The following PDE4D variants were observed in gnomAD, a reference collection of about 807,000 sequenced individuals.
PDE4D encodes 3',5'-cyclic-AMP phosphodiesterase 4D.
A neutral mutation model predicts 87.4 loss-of-function variants in PDE4D; 24 were observed. The ratio of observed to expected loss-of-function variants is 0.27; its 90% confidence interval spans 0.20 to 0.39. The LOEUF (loss-of-function observed/expected upper bound fraction) is 0.39, where lower values mean the gene tolerates loss of function less well. Among genes scored for constraint, PDE4D ranks in the 10% least tolerant of loss-of-function variants. PDE4D has a pLI of 1.00. For synonymous variants in PDE4D, 384 were observed against 383.2 expected (o/e 1.00, Z -0.02); for missense variants, 714 against 1,041.0 (o/e 0.69, Z 4.32).
intron 1 of PDE4D, among the ~76,000 whole-genome samples, chr5:59,817,744 C>CCG (rs1405850989): frequency 6.7e-6 from 1 of 149,504 alleles, no homozygotes; most frequent in Non-Finnish European, 1.5e-5. Context: ...ACACCCACAC[C>CCG]CCCCCCCACA....
At chr5:60,315,291 G>T (rs1410446565) in intron 1 of PDE4D, among the ~76,000 whole-genome samples, 16 of 152,324 alleles carry the variant, frequency 1.1e-4, no homozygotes, top group Middle Eastern at 6.8e-3. Flanking sequence ...CTTCTTTTGA[G>T]AAATGTCTGT....
chr5:60,046,432 C>T (rs1443871165), intron 2 of PDE4D, among the ~76,000 whole-genome samples: 1 of 152,170 alleles, frequency 6.6e-6, no homozygotes, highest in Admixed American at 6.5e-5. Context: ...AGAAGGCATC[C>T]CTGTCTTGTG....
At chr5:59,661,485 A>G (rs1357999288) in intron 1 of PDE4D, among the ~76,000 whole-genome samples, 1 of 152,206 alleles carries the variant, frequency 6.6e-6, no homozygotes, top group African/African-American at 2.4e-5. Context: ...AAAGTGACAT[A>G]TGACTCTAGA....
intron 1 of PDE4D, among the ~76,000 whole-genome samples, chr5:59,394,343 A>T (rs964826497): frequency 2.0e-4 from 31 of 152,118 alleles, no homozygotes; most frequent in African/African-American, 7.5e-4. Flanking sequence ...GCAAAATGCA[A>T]CCCTCTCAAT....
chr5:60,246,376 C>T (rs1747781151), intron 1 of PDE4D, among the ~76,000 whole-genome samples: 1 of 151,590 alleles, frequency 6.6e-6, no homozygotes, highest in African/African-American at 2.4e-5. Context: ...CAGATACTGC[C>T]TCTTCCCAAA....
At chr5:59,455,472 A>G (rs1799774492) in intron 1 of PDE4D, among the ~76,000 whole-genome samples, 1 of 152,346 alleles carries the variant, frequency 6.6e-6, no homozygotes, top group East Asian at 1.9e-4. Context: ...CCTAGATTTC[A>G]TAGGATGTAT....
At chr5:59,205,653 A>AAC (rs35509503) in intron 2 of PDE4D, among the ~76,000 whole-genome samples, 9,011 of 136,244 alleles carry the variant, frequency 0.066, 373 homozygotes, top group South Asian at 0.11. Context: ...CCACTAGCTA[A>AAC]ACACACACAC....
At chr5:59,045,297 T>C (rs932424260) in intron 5 of PDE4D, among the ~76,000 whole-genome samples, 2 of 152,196 alleles carry the variant, frequency 1.3e-5, no homozygotes, top group Non-Finnish European at 2.9e-5. Flanking sequence ...CTCACGCCTG[T>C]AATCCCAGCA....
chr5:59,888,522 T>C (rs2152751448), intron 1 of PDE4D, among the ~76,000 whole-genome samples: 1 of 152,364 alleles, frequency 6.6e-6, no homozygotes, highest in South Asian at 2.1e-4. Flanking sequence ...GTGTTGACAA[T>C]ATGTAGGAAA....
chr5:59,708,921 A>G (rs1210944351), intron 1 of PDE4D, among the ~76,000 whole-genome samples: 3 of 136,030 alleles, frequency 2.2e-5, no homozygotes, highest in Non-Finnish European at 4.6e-5. Flanking sequence ...TTTTTTTTTT[A>G]ATCGAGGATA....
chr5:59,474,226 T>C (rs1802919314), intron 1 of PDE4D, among the ~76,000 whole-genome samples: 1 of 152,166 alleles, frequency 6.6e-6, no homozygotes, highest in Admixed American at 6.6e-5. Context: ...TTAAGTTCAT[T>C]ATATGCCACT....
chr5:59,570,672 A>C (rs564131873), intron 1 of PDE4D, among the ~76,000 whole-genome samples: 1 of 152,234 alleles, frequency 6.6e-6, no homozygotes, highest in African/African-American at 2.4e-5. Context: ...GCAAAACTCC[A>C]AGAAAATCAA....
chr5:59,768,274 T>C (rs746770452), intron 1 of PDE4D: 11 of 1,597,376 alleles, frequency 6.9e-6, no homozygotes, highest in Non-Finnish European at 9.3e-6. Context: ...GAAACGCCGC[T>C]GTTTGGGGAT....
intron 1 of PDE4D, among the ~76,000 whole-genome samples, chr5:59,337,887 G>A (rs1234467617): frequency 6.6e-6 from 1 of 152,188 alleles, no homozygotes; most frequent in African/African-American, 2.4e-5. Context: ...TGTCATGGGA[G>A]CCTCTCCATC....
intron 1 of PDE4D, among the ~76,000 whole-genome samples, chr5:60,232,175 C>A (rs1161098194): frequency 6.6e-6 from 1 of 151,886 alleles, no homozygotes; most frequent in Non-Finnish European, 1.5e-5. Context: ...TCAATTAAAG[C>A]AGTTCTAAGC....
chr5:59,977,292 C>T (rs1336793489), intron 3 of PDE4D, among the ~76,000 whole-genome samples: 2 of 152,180 alleles, frequency 1.3e-5, no homozygotes, highest in African/African-American at 4.8e-5. Context: ...AGCCAAACAG[C>T]CTTATTGATA....
At chr5:59,219,083 T>C (rs935209724) in intron 1 of PDE4D, among the ~76,000 whole-genome samples, 6 of 146,530 alleles carry the variant, frequency 4.1e-5, no homozygotes, top group African/African-American at 1.0e-4. Flanking sequence ...CTGGGAGATA[T>C]ACCTAATGCT....
chr5:59,151,368 G>T (rs1779451975), intron 5 of PDE4D, among the ~76,000 whole-genome samples: 1 of 152,062 alleles, frequency 6.6e-6, no homozygotes, highest in Non-Finnish European at 1.5e-5. Context: ...TGAGTCCAAA[G>T]TACTACATTA....
At chr5:59,877,237 G>A (rs1041967198) in intron 1 of PDE4D, among the ~76,000 whole-genome samples, 1 of 152,106 alleles carries the variant, frequency 6.6e-6, no homozygotes, top group African/African-American at 2.4e-5. Flanking sequence ...TTGGTTGTTT[G>A]TAAGAGGTAT....
Sources: allele counts gnomAD v4.1 joint callset (sites outside exome capture counted in the v4.1 genomes callset), GRCh38; gene constraint gnomAD v4.1.1; transcripts MANE v1.5; gene names NCBI Gene and HGNC (gene_info 2026-07-23, HGNC 2026-07-21).